Variants in NNT observed in about 807,000 individuals in gnomAD.
The protein encoded by NNT is NAD(P) transhydrogenase, mitochondrial.
In NNT, 50 loss-of-function variants were observed where a neutral mutation model predicts 104.8. The observed-to-expected ratio is 0.48, with a 90% CI of 0.38 to 0.60. The LOEUF (loss-of-function observed/expected upper bound fraction) is 0.60. NNT is among the 20% of genes least tolerant of loss of function. The pLI is 0.00. For missense variants in NNT, 1,131 were observed against 1,330.7 expected (o/e 0.85, Z 2.33); for synonymous variants, 461 against 490.4 (o/e 0.94, Z 0.79).
At position 43,650,653 on chromosome 5, in the gene NNT, A is replaced by C. The variant is rs777257868; in HGVS notation, c.1717+66A>C. ...AGACATACAAAGCAAATATAAATCC[A>C]TATAAAATAGACATAATTGTGCCTT... On this transcript the variant is annotated intron_variant, in intron 12 of 21. Transcript: ENST00000344920. 6 of 1,215,328 alleles carry C rather than the reference A, an allele frequency of 4.9e-6. No individual in the cohort carries two copies. The East Asian group carries it at 1.4e-4, about 29-fold the overall frequency. The allele number at this position is 1,215,328 out of a possible 1,614,324, so 75.3% of individuals were successfully genotyped here. A position where few individuals can be genotyped will look rare whatever the true frequency, so the allele number is the denominator to read the frequency against.
At chr5:43,640,666 T>A (rs984795997) in intron 7 of NNT, among the ~76,000 whole-genome samples, 8 of 151,912 alleles carry the variant, frequency 5.3e-5, no homozygotes, top group South Asian at 2.1e-4. Flanking sequence ...ACTTTTTTTT[T>A]ATTTGTTTTT....
chr5:43,700,004 C>T lies in NNT; in HGVS notation c.2877-115C>T, dbSNP rs569854255. On this transcript the variant is annotated intron_variant, in intron 19 of 21. Coordinates refer to ENST00000344920, the MANE Select transcript of NNT (RefSeq NM_182977.3). ...TTCATTCTGTAGAGATCAGATAGTACCAGAAAAAAGCAGAGGTGCCAAGAA... is the reference window on the plus strand; with the variant it reads ...TTCATTCTGTAGAGATCAGATAGTATCAGAAAAAAGCAGAGGTGCCAAGAA... 5 of 701,418 alleles carry T rather than the reference C, an allele frequency of 7.1e-6. No homozygotes were observed. In the East Asian group the frequency reaches 1.0e-4, roughly 15 times the overall value. The allele number at this position is 701,418 out of a possible 1,614,324, so 43.4% of individuals were successfully genotyped here. A position where few individuals can be genotyped will look rare whatever the true frequency, so the allele number is the denominator to read the frequency against.
intron 19 of NNT, among the ~76,000 whole-genome samples, chr5:43,686,157 T>C (rs1741976939): frequency 6.6e-6 from 1 of 152,066 alleles, no homozygotes; most frequent in Admixed American, 6.5e-5. Context: ...GACTGAAGCC[T>C]GAGCTTTTTT....
intron 3 of NNT, among the ~76,000 whole-genome samples, chr5:43,614,996 G>C (rs1199782259): frequency 6.6e-6 from 1 of 151,478 alleles, no homozygotes; most frequent in East Asian, 1.9e-4. Flanking sequence ...AATTAGCCGG[G>C]CGCGGTGGCG....
At chr5:43,662,747 G>A (rs1272966923) in intron 17 of NNT, among the ~76,000 whole-genome samples, 1 of 152,086 alleles carries the variant, frequency 6.6e-6, no homozygotes, top group East Asian at 1.9e-4. Context: ...ATAAAAGTTA[G>A]CTGGGCATGG....
chr5:43,640,663 TTTTA>T (rs984240689), intron 7 of NNT, among the ~76,000 whole-genome samples: 10 of 151,918 alleles, frequency 6.6e-5, no homozygotes, highest in African/African-American at 1.9e-4. Context: ...TGAACTTTTT[TTTTA>T]TTTGTTTTTA....
chr5:43,624,399 A>G (rs6873555), intron 6 of NNT, among the ~76,000 whole-genome samples: 10,592 of 152,272 alleles, frequency 0.07, 651 homozygotes, highest in African/African-American at 0.16. Flanking sequence ...ATTTCTGTTC[A>G]GAATGCTTTT....
intron 7 of NNT, among the ~76,000 whole-genome samples, chr5:43,633,624 A>G (rs13166593): frequency 0.034 from 5,138 of 152,248 alleles, 135 homozygotes; most frequent in East Asian, 0.12. Context: ...CTTGTCTCCC[A>G]GTGAGTGCAG....
chr5:43,692,475 C>G (rs1486666802), intron 19 of NNT, among the ~76,000 whole-genome samples: 2 of 152,162 alleles, frequency 1.3e-5, no homozygotes, highest in Non-Finnish European at 2.9e-5. Context: ...AGGCACCCAC[C>G]ACCATGCCCA....
chr5:43,652,061 G>GA (rs1739797628), intron 13 of NNT, among the ~76,000 whole-genome samples, 177 bp downstream of exon 13: 1 of 152,138 alleles, frequency 6.6e-6, no homozygotes, highest in African/African-American at 2.4e-5. Context: ...CTAAGGATCA[G>GA]GACCCTGGAT....
rs529340555 is a variant in NNT, at chr5:43,689,551, T to G, written c.2877-10568T>G. Among the ~76,000 whole-genome samples, 11 of 152,310 alleles carry G rather than the reference T, an allele frequency of 7.2e-5. No homozygotes were observed. In the Middle Eastern group the frequency reaches 0.024, roughly 330 times the overall value. ...GTCTTAGATTTAAGTCTTTGATCCA[T>G]CTCGAGTTGATTTTTGTATAAGGTG... is the stretch of plus-strand genomic sequence containing the variant. On this transcript the variant is annotated intron_variant, in intron 19 of 21. Coordinates refer to ENST00000344920, the MANE Select transcript of NNT (RefSeq NM_182977.3).
At chr5:43,674,669 C>T (rs867094486) in intron 17 of NNT, among the ~76,000 whole-genome samples, 1 of 152,172 alleles carries the variant, frequency 6.6e-6, no homozygotes. Flanking sequence ...TTACTCAGAA[C>T]AACTAGTTTT....
intron 13 of NNT, among the ~76,000 whole-genome samples, chr5:43,652,502 A>G (rs1019128328): frequency 6.6e-6 from 1 of 150,734 alleles, no homozygotes; most frequent in African/African-American, 2.4e-5. Context: ...TATGTTTCCA[A>G]CCTGCAGTAT....
intron 19 of NNT, among the ~76,000 whole-genome samples, chr5:43,682,491 G>C (rs538661957): frequency 6.6e-6 from 1 of 152,122 alleles, no homozygotes; most frequent in Admixed American, 6.5e-5. Context: ...GATTACAGGC[G>C]TGAGCCACCA....
intron 20 of NNT, among the ~76,000 whole-genome samples, chr5:43,700,921 C>A (rs1156624348): frequency 6.6e-6 from 1 of 152,070 alleles, no homozygotes; most frequent in Admixed American, 6.6e-5. Context: ...TTTTTGGCAA[C>A]AGTCTAAGGT....
At chr5:43,606,720 C>T (rs912342312) in intron 1 of NNT, among the ~76,000 whole-genome samples, 4 of 152,096 alleles carry the variant, frequency 2.6e-5, no homozygotes, top group Non-Finnish European at 5.9e-5. Flanking sequence ...TTTGATCCTT[C>T]AAAGGACTCT....
chr5:43,651,836 T>C lies in NNT; in HGVS notation c.1815T>C (p.Phe605=), dbSNP rs779185743. The C allele has an allele frequency of 6.2e-7, 1 of 1,614,150 alleles. No homozygotes were observed. Among genetic ancestry groups the C allele is most frequent in the African/African-American group, 1.3e-5 (1 of 75,038 alleles). Reference sequence around the variant, plus strand: ...TGTACCTGCTCCCTGCCGGCACCTTTGTTGGTGGATATTTAGCTGCCCTCT... The same window carrying C: ...TGTACCTGCTCCCTGCCGGCACCTTCGTTGGTGGATATTTAGCTGCCCTCT... ...NYLYLLPAGT[F]VGGYLAALYS... Residue 605 remains phenylalanine (F), a synonymous_variant, in exon 13 of 22, where the codon TTT becomes TTC. Transcript: ENST00000344920.
chr5:43,628,717 A>C (rs760682885), intron 7 of NNT, among the ~76,000 whole-genome samples: 5 of 151,904 alleles, frequency 3.3e-5, no homozygotes, highest in Non-Finnish European at 7.4e-5. Context: ...CTCCCAAGTA[A>C]CTGGGATTAC....
At chr5:43,691,043 C>A (rs1009678146) in intron 19 of NNT, among the ~76,000 whole-genome samples, 1 of 151,006 alleles carries the variant, frequency 6.6e-6, no homozygotes, top group Admixed American at 6.6e-5. Context: ...TTTTTTCTGG[C>A]CAACTGATCC....
Sources: gnomAD v4.1 joint callset for allele counts (sites outside exome capture counted in the v4.1 genomes callset) on GRCh38, gnomAD v4.1.1 for gene constraint, MANE v1.5 for transcripts, NCBI Gene and HGNC (gene_info 2026-07-23, HGNC 2026-07-21) for gene names.